The following CSMD1 variants were observed in gnomAD, a reference collection of about 807,000 sequenced individuals.
The protein encoded by CSMD1 is CUB and sushi domain-containing protein 1.
CSMD1 carries 213 observed loss-of-function variants against 417.5 expected under a neutral mutation model. The ratio of observed to expected loss-of-function variants is 0.51; its 90% confidence interval spans 0.46 to 0.57. The LOEUF is 0.57. Among genes scored for constraint, CSMD1 ranks in the 20% least tolerant of loss-of-function variants. CSMD1 has a pLI of 0.00. For missense variants in CSMD1, 6,923 were observed against 4,529.7 expected (o/e 1.53, Z -15.17); for synonymous variants, 2,862 against 1,736.8 (o/e 1.65, Z -16.11).
chr8:3,118,454 G>C lies in CSMD1; in HGVS notation c.6375C>G (p.Leu2125=). ...PGYILIGHPV[L]TCQHGINRNW... ...TTCTGTTGATCCCATGCTGACAAGT[G>C]AGGACAGGATGGCCTATTAGAATGT... The change falls in exon 42 of 70, where the codon CTC becomes CTG. Residue 2125 remains leucine (L), a synonymous_variant. Coordinates refer to ENST00000635120, the MANE Select transcript of CSMD1 (RefSeq NM_033225.6). 6.2e-7 allele frequency: 1 copy of C among 1,613,870 alleles called. No homozygotes were observed. Among genetic ancestry groups the C allele is most frequent in the Non-Finnish European group, 8.5e-7 (1 of 1,179,820 alleles).
intron 1 of CSMD1, among the ~76,000 whole-genome samples, chr8:4,737,713 C>G (rs1016718466): frequency 6.6e-6 from 1 of 152,066 alleles, no homozygotes; most frequent in Non-Finnish European, 1.5e-5. Flanking sequence ...TGCTGAAGTA[C>G]CTAAGCAATA....
In CSMD1 at chr8:3,113,831, T is replaced by C. The variant is rs575548671; in HGVS notation, c.6431-3496A>G. The stretch of plus-strand genomic sequence containing the variant: ...AGGAGGGCGGAGGTACAAGGAAACA[T>C]CTCTTTATTGTGCTACCTTTTCCTC... On this transcript the variant is annotated intron_variant, in intron 42 of 69. Transcript: ENST00000635120. Among the ~76,000 whole-genome samples the C allele has an allele frequency of 6.6e-5, 10 of 152,314 alleles. No homozygotes were observed. In the South Asian group the frequency reaches 1.9e-3, roughly 28 times the overall value.
At chr8:3,311,098 C>CTAACTAACTTTCCAAATGTCTTAAATTCA (rs1563258631) in intron 23 of CSMD1, among the ~76,000 whole-genome samples, 13 of 152,010 alleles carry the variant, frequency 8.6e-5, no homozygotes, top group African/African-American at 2.9e-4. Context: ...ATATACCTAA[C>CTAACTAACTTTCCAAATGTCTTAAATTCA]TAACTTTCCA....
chr8:4,381,344 G>A (rs952818746), intron 3 of CSMD1, among the ~76,000 whole-genome samples: 2 of 152,136 alleles, frequency 1.3e-5, no homozygotes, highest in Admixed American at 6.5e-5. Flanking sequence ...CACAATGGAT[G>A]AGGCATCTGG....
intron 3 of CSMD1, among the ~76,000 whole-genome samples, chr8:4,079,739 G>C (rs951828674): frequency 3.3e-5 from 5 of 152,116 alleles, no homozygotes; most frequent in African/African-American, 4.8e-5. Context: ...GGATATTTTT[G>C]TAGTGATGAA....
chr8:4,379,368 T>C (rs1584984177), intron 3 of CSMD1, among the ~76,000 whole-genome samples: 1 of 152,188 alleles, frequency 6.6e-6, no homozygotes. Context: ...GAGGAATAAA[T>C]AGAATGTAGA....
At chr8:4,954,282 C>T (rs6997921) in intron 1 of CSMD1, among the ~76,000 whole-genome samples, 124,041 of 152,126 alleles carry the variant, frequency 0.82, 50,762 homozygotes, top group Admixed American at 0.87. Flanking sequence ...ATAAGTGTTA[C>T]AACAGAGGTG....
intron 5 of CSMD1, among the ~76,000 whole-genome samples, chr8:3,847,113 G>A (rs953587698): frequency 1.3e-5 from 2 of 152,036 alleles, no homozygotes; most frequent in African/African-American, 4.8e-5. Flanking sequence ...ATGCTCCTGA[G>A]GTCTCCTCCT....
chr8:4,419,836 C>G, intron 3 of CSMD1, 117 bp downstream of exon 3: 4 of 685,056 alleles, frequency 5.8e-6, no homozygotes, highest in South Asian at 1.7e-5. Flanking sequence ...AGCCAAATGT[C>G]TACACCACGG....
At chr8:3,895,764 A>G (rs1807315183) in intron 5 of CSMD1, among the ~76,000 whole-genome samples, 1 of 152,182 alleles carries the variant, frequency 6.6e-6, no homozygotes, top group Non-Finnish European at 1.5e-5. Context: ...CAGTCATTTA[A>G]GAAATATTTC....
intron 57 of CSMD1, among the ~76,000 whole-genome samples, chr8:2,968,144 T>C (rs1267943498): frequency 6.6e-6 from 1 of 152,216 alleles, no homozygotes. Flanking sequence ...CTATACTATA[T>C]ATCAAAATTT....
intron 49 of CSMD1, among the ~76,000 whole-genome samples, chr8:3,076,547 C>CT (rs1159971379): frequency 2.6e-5 from 4 of 152,216 alleles, no homozygotes; most frequent in Non-Finnish European, 4.4e-5. Context: ...TCACAGGACT[C>CT]TGTGGCTCTG....
chr8:3,720,956 C>T (rs968755362), intron 6 of CSMD1, among the ~76,000 whole-genome samples: 4 of 152,028 alleles, frequency 2.6e-5, no homozygotes, highest in East Asian at 1.9e-4. Flanking sequence ...GCTGGGATTA[C>T]AGGCACCCAC....
At chr8:4,181,701 T>C (rs924883281) in intron 3 of CSMD1, among the ~76,000 whole-genome samples, 2 of 151,156 alleles carry the variant, frequency 1.3e-5, no homozygotes, top group African/African-American at 4.9e-5. Context: ...CTTTTTTCAA[T>C]ATAATCTCCC....
chr8:3,636,146 A>C (rs1797035205), intron 7 of CSMD1, among the ~76,000 whole-genome samples: 1 of 152,168 alleles, frequency 6.6e-6, no homozygotes, highest in Non-Finnish European at 1.5e-5. Context: ...CTAGGCCTAC[A>C]ACACAGGGTC....
At chr8:3,685,632 G>C (rs557019407) in intron 7 of CSMD1, among the ~76,000 whole-genome samples, 3 of 152,122 alleles carry the variant, frequency 2.0e-5, no homozygotes, top group African/African-American at 4.8e-5. Flanking sequence ...TCATTTCTTT[G>C]AGACTGTTTT....
intron 5 of CSMD1, among the ~76,000 whole-genome samples, chr8:3,758,361 C>T (rs897872738): frequency 8.5e-5 from 13 of 152,168 alleles, no homozygotes; most frequent in African/African-American, 2.2e-4. Flanking sequence ...AATTGTACCC[C>T]GAAGTCGATT....
chr8:4,009,146 G>C (rs1816359855), intron 4 of CSMD1, among the ~76,000 whole-genome samples: 1 of 152,126 alleles, frequency 6.6e-6, no homozygotes, highest in African/African-American at 2.4e-5. Flanking sequence ...AGAACATAAG[G>C]CATTTAAGGA....
At chr8:3,595,064 T>C (rs1472093793) in intron 8 of CSMD1, among the ~76,000 whole-genome samples, 1 of 152,224 alleles carries the variant, frequency 6.6e-6, no homozygotes, top group Non-Finnish European at 1.5e-5. Flanking sequence ...CATTCATCTC[T>C]ATTTTAAAAT....
Sources: gnomAD v4.1 joint callset for allele counts (sites outside exome capture counted in the v4.1 genomes callset) on GRCh38, gnomAD v4.1.1 for gene constraint, MANE v1.5 for transcripts, NCBI Gene and HGNC (gene_info 2026-07-23, HGNC 2026-07-21) for gene names.